Variants in ZAN observed in about 807,000 individuals in gnomAD.
The protein encoded by ZAN is zonadhesin (gene/pseudogene).
ZAN carries 260 observed loss-of-function variants against 286.2 expected under a neutral mutation model. The observed-to-expected ratio is 0.91, with a 90% CI of 0.82 to 1.01. The LOEUF (loss-of-function observed/expected upper bound fraction) is 1.01. ZAN is among the 50% of genes least tolerant of loss of function. The pLI, the probability that ZAN is intolerant of heterozygous loss-of-function variation, is 0.00. For synonymous variants in ZAN, 1,368 were observed against 1,417.5 expected, an observed-to-expected ratio of 0.97 and a Z score of 0.79; for missense variants, 3,410 against 3,639.2, an observed-to-expected ratio of 0.94 and a Z score of 1.62.
At chr7:100,756,751 C>A (rs1809177463) in intron 15 of ZAN, among the ~76,000 whole-genome samples, 1 of 150,756 alleles carries the variant, frequency 6.6e-6, no homozygotes, top group Non-Finnish European at 1.5e-5. Context: ...GATGCAAAAA[C>A]CATTCTAGCC....
intron 23 of ZAN, among the ~76,000 whole-genome samples, 193 bp downstream of exon 23, chr7:100,765,747 C>A (rs543254729): frequency 6.6e-6 from 1 of 152,236 alleles, no homozygotes; most frequent in South Asian, 2.1e-4. Flanking sequence ...CTCCTGGGTT[C>A]AAGTGATTCT....
At chr7:100,750,059 A>AACACACACACACACACACAC (rs373704697) in intron 11 of ZAN, among the ~76,000 whole-genome samples, 13 of 122,208 alleles carry the variant, frequency 1.1e-4, no homozygotes, top group Non-Finnish European at 1.7e-4. Flanking sequence ...TCAAAAAAAC[A>AACACACACACACACACACAC]ACACACACAC....
chr7:100,766,121 G>C (rs1809953018), intron 23 of ZAN, among the ~76,000 whole-genome samples: 1 of 152,094 alleles, frequency 6.6e-6, no homozygotes, highest in South Asian at 2.1e-4. Context: ...CAAGTAGCTG[G>C]GATTACAGGC....
At chr7:100,739,913 C>T (rs1240736235) in intron 7 of ZAN, among the ~76,000 whole-genome samples, 1 of 141,408 alleles carries the variant, frequency 7.1e-6, no homozygotes, top group East Asian at 2.0e-4. Flanking sequence ...CCACCTCGGC[C>T]TCCCAAAGTG....
At chr7:100,735,595 AC>A in intron 2 of ZAN, 124 bp from the exon 3 acceptor site, 2 of 719,384 alleles carry the variant, frequency 2.8e-6, no homozygotes, top group East Asian at 6.1e-5. Flanking sequence ...GTCAAGTCAG[AC>A]ACATTCACTG....
rs1007806690 is a variant in ZAN at position 100,775,366 on chromosome 7, G to A, written c.5818G>A (p.Val1940Met). 9.3e-6 allele frequency: 15 copies of A among 1,613,616 alleles called. No homozygotes were observed. The highest frequency in any genetic ancestry group is 5.3e-5 in the African/African-American group (4 of 75,032). ...VCQLPGESHY[V>M]SFDGSNHSIP... ...TCAGCTCCCAGGGGAGTCCCACTAC[G>A]TGAGCTTTGATGGTAGTAACCATTC... The change falls in exon 32 of 48, where the codon GTG (valine) becomes ATG (methionine). Residue 1940 changes from valine (V) to methionine (M), a missense_variant. Transcript: ENST00000613979.
chr7:100,781,532 G>T (rs1811194255), intron 35 of ZAN, among the ~76,000 whole-genome samples: 2 of 152,054 alleles, frequency 1.3e-5, no homozygotes, highest in Admixed American at 1.3e-4. Flanking sequence ...TGCAGAAGGG[G>T]GCCGCTGCTC....
intron 37 of ZAN, among the ~76,000 whole-genome samples, chr7:100,787,253 G>T (rs914493559): frequency 2.0e-5 from 3 of 150,106 alleles, no homozygotes; most frequent in Non-Finnish European, 4.4e-5. Flanking sequence ...ATGTAGTGTG[G>T]CCATTTCTAA....
At chr7:100,743,968 C>T (rs373116051) in intron 7 of ZAN, among the ~76,000 whole-genome samples, 4 of 151,496 alleles carry the variant, frequency 2.6e-5, no homozygotes, top group African/African-American at 7.3e-5. Context: ...CTTCCTGCTT[C>T]GGCCTCCCAA....
intron 44 of ZAN, 139 bp downstream of exon 44, chr7:100,794,397 A>G: frequency 2.9e-6 from 4 of 1,394,130 alleles, no homozygotes; most frequent in Non-Finnish European, 3.8e-6. Flanking sequence ...AGGGAGGGAC[A>G]AAGGACAAAG....
rs77449678 is a variant in ZAN, at chr7:100,763,933, G to A, written c.4097+17G>A. The A allele has an allele frequency of 7.6e-5, 123 of 1,612,242 alleles. 1 individual carries two copies. In the East Asian group the frequency reaches 2.7e-3, roughly 36 times the overall value. On this transcript the variant is annotated intron_variant, in intron 21 of 47. Coordinates refer to ENST00000613979, the MANE Select transcript of ZAN (RefSeq NM_003386.3). The surrounding 1 kb of genome is among the most constrained non-coding windows in gnomAD (Gnocchi z 4.6). ...CCCATTTGAGTATGAAGGAGGGCAGGCAGGGTCGCACAGGGGCGATGCTTG... is the reference window on the plus strand; with the variant it reads ...CCCATTTGAGTATGAAGGAGGGCAGACAGGGTCGCACAGGGGCGATGCTTG...
At chr7:100,767,768 G>T in intron 25 of ZAN, 63 bp from the exon 26 acceptor site, 1 of 1,549,522 alleles carries the variant, frequency 6.5e-7, no homozygotes, top group Non-Finnish European at 8.7e-7. Flanking sequence ...ATGAGCCCCC[G>T]TCCTTGCCTT....
In ZAN at chr7:100,779,728, C is replaced by T. The variant is rs759735965; in HGVS notation, c.6600C>T (p.Leu2200=). The T allele has an allele frequency of 2.6e-6, 4 of 1,554,884 alleles. No individual in the cohort carries two copies. The Admixed American group carries it at 5.8e-5, about 23-fold the overall frequency. Residue 2200 remains leucine (L), a synonymous_variant, in exon 35 of 48, where the codon CTC becomes CTT. Coordinates refer to ENST00000613979, the MANE Select transcript of ZAN (RefSeq NM_003386.3). ...AGAGCCAGGGGCTCAAGCCCCCACT[C>T]TGGAGAAACAGCAGCTTCTGCCGTG... ...TCQSQGLKPP[L]WRNSSFCPLE...
At position 100,734,357 on chromosome 7, in the gene ZAN, C is replaced by T. The variant is rs1165088333; in HGVS notation, c.53+136C>T. Reference sequence around the variant, plus strand: ...GAGAGAGGCCAGGCACGGTGGCTCACGCCTGTAATCCCAGCACTTTGGGAG... The same window carrying T: ...GAGAGAGGCCAGGCACGGTGGCTCATGCCTGTAATCCCAGCACTTTGGGAG... On this transcript the variant is annotated intron_variant, in intron 2 of 47. Transcript: ENST00000613979. The T allele has an allele frequency of 3.3e-5, 19 of 575,912 alleles. 3 individuals are homozygous for T. The highest frequency in any genetic ancestry group is 1.1e-4 in the East Asian group (3 of 27,974). 35.7% of individuals were successfully genotyped at this position (575,912 alleles called of 1,614,324 possible). A position where few individuals can be genotyped will look rare whatever the true frequency, so the allele number is the denominator to read the frequency against.
At chr7:100,738,298 G>A (rs1186168472) in intron 6 of ZAN, among the ~76,000 whole-genome samples, 163 bp from the exon 7 acceptor site, 1 of 140,928 alleles carries the variant, frequency 7.1e-6, no homozygotes, top group Non-Finnish European at 1.6e-5. Flanking sequence ...CACACCTGTA[G>A]TCCTAGCTAC....
chr7:100,769,250 C>T (rs1353970306), intron 27 of ZAN, among the ~76,000 whole-genome samples: 3 of 152,164 alleles, frequency 2.0e-5, no homozygotes, highest in African/African-American at 7.2e-5. Flanking sequence ...CTCGCCACCA[C>T]GCCCGGCTAA....
Position 100,758,620 on chromosome 7 carries a change from ATCT to A in ZAN, c.3543_3545del (p.Ile1181_Leu1182delinsMet). On this transcript the variant is annotated inframe_deletion, in exon 17 of 48. Transcript: ENST00000613979. ...TGGCTTCATGGGCAAGTGCACTTAC[ATCT>A]TGGCCCAGCCCTGTGGCAACTCAAC... 1 of 1,559,436 alleles carries A rather than the reference ATCT, an allele frequency of 6.4e-7. No individual in the cohort carries two copies. The highest frequency in any genetic ancestry group is 8.7e-7 in the Non-Finnish European group (1 of 1,151,604).
Position 100,787,929 on chromosome 7 carries a change from CACATTTG to C in ZAN, c.7023_7029del (p.Phe2342AlafsTer10). The C allele has an allele frequency of 6.6e-7, 1 of 1,513,036 alleles. No homozygotes were observed. Among genetic ancestry groups the C allele is most frequent in the Non-Finnish European group, 9.0e-7 (1 of 1,110,314 alleles). 93.7% of individuals were successfully genotyped at this position (1,513,036 alleles called of 1,614,324 possible). A position where few individuals can be genotyped will look rare whatever the true frequency, so the allele number is the denominator to read the frequency against. On this transcript the variant is annotated frameshift_variant, in exon 38 of 48. Transcript: ENST00000613979. LOFTEE classifies it high-confidence loss of function. ...CAGTCTATGGCGACCCCCGTTACCT[CACATTTG>C]ACGGCTTCAGCTACCGCTTGCAAGG... is the stretch of plus-strand genomic sequence containing the variant.
intron 26 of ZAN, 122 bp downstream of exon 26, chr7:100,768,133 G>A (rs1304933255): frequency 8.0e-7 from 1 of 1,256,792 alleles, no homozygotes; most frequent in African/African-American, 1.5e-5. Context: ...AATTCGTTGA[G>A]GACATTAGGC....
Sources: gnomAD v4.1 joint callset for allele counts (sites outside exome capture counted in the v4.1 genomes callset) on GRCh38, gnomAD v4.1.1 for gene constraint, Gnocchi (gnomAD v3.1) non-coding constraint, MANE v1.5 for transcripts, NCBI Gene and HGNC (gene_info 2026-07-23, HGNC 2026-07-21) for gene names.